Variants in PSD3 observed in about 807,000 individuals in gnomAD.
The protein encoded by PSD3 is pleckstrin and Sec7 domain containing 3.
PSD3 carries 49 observed loss-of-function variants against 105.5 expected under a neutral mutation model. The ratio of observed to expected loss-of-function variants is 0.46; its 90% CI spans 0.37 to 0.59. The LOEUF is 0.59. Ranked by LOEUF, PSD3 falls within the 20% of genes least tolerant of loss-of-function variation. The probability of loss-of-function intolerance (pLI) is 0.00; values close to 1 mark genes in which losing one functional copy is unlikely to be tolerated. For missense variants in PSD3, 1,561 were observed against 1,263.8 expected, an observed-to-expected ratio of 1.24 and a Z score of -3.57; for synonymous variants, 557 against 457.8, an observed-to-expected ratio of 1.22 and a Z score of -2.77.
rs184527168 is a variant in PSD3 at position 18,662,503 on chromosome 8, T to G, written c.2173-6818A>C. Among the ~76,000 whole-genome samples, 237 of 152,340 alleles carry G rather than the reference T, an allele frequency of 1.6e-3. 1 individual carries two copies. The highest frequency in any genetic ancestry group is 2.1e-3 in the Non-Finnish European group (141 of 68,036). ...ATACATATTTTCTTGAGAGAAAGATTTGATAAAACAGAGAACAGATCCAAT... is the reference window on the plus strand; with the variant it reads ...ATACATATTTTCTTGAGAGAAAGATGTGATAAAACAGAGAACAGATCCAAT... On this transcript the variant is annotated intron_variant, in intron 9 of 15. Transcript: ENST00000327040.
At chr8:18,633,888 A>G (rs960643720) in intron 10 of PSD3, among the ~76,000 whole-genome samples, 3 of 152,104 alleles carry the variant, frequency 2.0e-5, no homozygotes, top group African/African-American at 2.4e-5. Flanking sequence ...CCAATGATGT[A>G]TAAGTGTTCC....
intron 9 of PSD3, among the ~76,000 whole-genome samples, chr8:18,742,699 G>A (rs1413665044): frequency 6.6e-6 from 1 of 152,046 alleles, no homozygotes; most frequent in African/African-American, 2.4e-5. Flanking sequence ...CACCATTTTG[G>A]TGCCCAACTC....
At chr8:18,931,717 T>A (rs762567413) in intron 2 of PSD3, among the ~76,000 whole-genome samples, 1 of 152,204 alleles carries the variant, frequency 6.6e-6, no homozygotes, top group African/African-American at 2.4e-5. Context: ...ACAGTTCTCC[T>A]CCTTCCTCCG....
At chr8:18,773,562 G>C (rs1807750446) in intron 8 of PSD3, among the ~76,000 whole-genome samples, 1 of 151,964 alleles carries the variant, frequency 6.6e-6, no homozygotes, top group African/African-American at 2.4e-5. Flanking sequence ...AGATTACTTT[G>C]TATAGTATAA....
chr8:18,603,440 T>C (rs748528998), intron 11 of PSD3, among the ~76,000 whole-genome samples: 34 of 152,234 alleles, frequency 2.2e-4, no homozygotes, highest in Non-Finnish European at 3.5e-4. Flanking sequence ...GTCTATCCTT[T>C]AGAAGTTCCT....
intron 12 of PSD3, among the ~76,000 whole-genome samples, chr8:18,580,706 G>A (rs1802758022): frequency 6.6e-6 from 1 of 152,120 alleles, no homozygotes; most frequent in Non-Finnish European, 1.5e-5. Context: ...GTAAATGTAC[G>A]TTTTAGATAA....
intron 11 of PSD3, among the ~76,000 whole-genome samples, chr8:18,607,638 T>C (rs752854883): frequency 7.6e-6 from 1 of 130,758 alleles, no homozygotes; most frequent in African/African-American, 2.8e-5. Flanking sequence ...CTGGGCACGG[T>C]GGCTCACGCC....
intron 1 of PSD3, among the ~76,000 whole-genome samples, chr8:18,987,870 A>G (rs886556314): frequency 6.6e-6 from 1 of 152,194 alleles, no homozygotes; most frequent in African/African-American, 2.4e-5. Context: ...AGCTGCAATT[A>G]CATAATCTAA....
At chr8:18,920,430 C>T (rs942418420) in intron 2 of PSD3, among the ~76,000 whole-genome samples, 5 of 152,136 alleles carry the variant, frequency 3.3e-5, no homozygotes, top group Non-Finnish European at 5.9e-5. Context: ...AAGCAAGGTT[C>T]GAGTGTGGAC....
At position 18,531,012 on chromosome 8, in the gene PSD3, C is replaced by G. The variant is rs573362587; in HGVS notation, c.*4731G>C. On this transcript the variant is annotated 3_prime_UTR_variant, in exon 16 of 16. Transcript: ENST00000327040. ...AATTTTGATGTACATGTACCATACA[C>G]TGATATGCAATCTACACACTGATGC... The G allele has an allele frequency of 6.6e-6, 1 of 151,940 alleles. No homozygotes were observed. Among genetic ancestry groups the G allele is most frequent in the East Asian group, 1.9e-4 (1 of 5,168 alleles). The allele number at this position is 151,940 out of a possible 1,614,324, so 9.4% of individuals were successfully genotyped here.
In PSD3 at chr8:18,885,991, G is replaced by T. The variant is rs186783367; in HGVS notation, c.131-13258C>A. Among the ~76,000 whole-genome samples the T allele has an allele frequency of 1.1e-4, 16 of 152,212 alleles. No individual in the cohort carries two copies. In the East Asian group the frequency reaches 1.2e-3, roughly 11 times the overall value. On this transcript the variant is annotated intron_variant, in intron 2 of 15. Coordinates refer to ENST00000327040, the MANE Select transcript of PSD3 (RefSeq NM_015310.4). Reference sequence around the variant, plus strand: ...CCCTTCAAGGCTATTCAGATACTAAGCTGTACTTCAGGCACACAGATGGAA... The same window carrying T: ...CCCTTCAAGGCTATTCAGATACTAATCTGTACTTCAGGCACACAGATGGAA...
At chr8:18,673,827 C>G (rs1799922956) in intron 9 of PSD3, among the ~76,000 whole-genome samples, 1 of 152,064 alleles carries the variant, frequency 6.6e-6, no homozygotes, top group Non-Finnish European at 1.5e-5. Context: ...TTAAACTTAT[C>G]AGAGAGAAAG....
At chr8:18,603,404 G>A (rs1211010633) in intron 11 of PSD3, among the ~76,000 whole-genome samples, 2 of 151,836 alleles carry the variant, frequency 1.3e-5, no homozygotes, top group Non-Finnish European at 2.9e-5. Flanking sequence ...TTGCTTTTTG[G>A]AGGCCATTTT....
intron 8 of PSD3, among the ~76,000 whole-genome samples, chr8:18,798,590 T>C (rs1449594243): frequency 6.6e-6 from 1 of 152,136 alleles, no homozygotes. Context: ...CAAGGGATAA[T>C]ATACTCTACA....
At chr8:18,821,900 AC>A (rs1293570547) in intron 4 of PSD3, among the ~76,000 whole-genome samples, 8 of 146,864 alleles carry the variant, frequency 5.4e-5, no homozygotes, top group Non-Finnish European at 1.2e-4. Flanking sequence ...ACACACACAC[AC>A]AAATGGTTGC....
intron 2 of PSD3, among the ~76,000 whole-genome samples, chr8:18,926,300 A>T (rs937654719): frequency 2.6e-5 from 4 of 151,610 alleles, no homozygotes; most frequent in African/African-American, 4.8e-5. Flanking sequence ...TCTTTCATGC[A>T]CAAAATTATT....
At chr8:19,052,322 A>T (rs909900052) in intron 1 of PSD3, among the ~76,000 whole-genome samples, 1 of 151,974 alleles carries the variant, frequency 6.6e-6, no homozygotes, top group Non-Finnish European at 1.5e-5. Flanking sequence ...AAATACAAAC[A>T]TTAGCCAGGT....
intron 9 of PSD3, among the ~76,000 whole-genome samples, chr8:18,669,665 G>A (rs1799669840): frequency 1.3e-5 from 2 of 152,198 alleles, no homozygotes; most frequent in East Asian, 1.9e-4. Flanking sequence ...GATGGCATGA[G>A]ATTTAAAACT....
chr8:18,871,080 C>T (rs1397554814), intron 3 of PSD3, among the ~76,000 whole-genome samples: 1 of 152,144 alleles, frequency 6.6e-6, no homozygotes, highest in African/African-American at 2.4e-5. Context: ...GCCCGGGGGA[C>T]AGAACAAGAC....
Sources: allele counts gnomAD v4.1 joint callset (sites outside exome capture counted in the v4.1 genomes callset), GRCh38; gene constraint gnomAD v4.1.1; transcripts MANE v1.5; gene names NCBI Gene and HGNC (gene_info 2026-07-23, HGNC 2026-07-21).